Variants in WDR62 observed in about 807,000 individuals in gnomAD.
The protein encoded by WDR62 is WD repeat domain 62.
Under a neutral mutation model 160.6 loss-of-function variants are expected in WDR62, and 112 were observed. That is an observed-to-expected ratio of 0.70 (90% CI 0.60 to 0.82). The LOEUF (loss-of-function observed/expected upper bound fraction) is 0.82, where lower values mean the gene tolerates loss of function less well. WDR62 is among the 40% of genes least tolerant of loss of function. The pLI is 0.00. For missense variants in WDR62, 1,819 were observed against 1,983.8 expected, an observed-to-expected ratio of 0.92 and a Z score of 1.58; for synonymous variants, 792 against 815.1, an observed-to-expected ratio of 0.97 and a Z score of 0.48.
chr19:36,081,643 G>C, intron 10 of WDR62, 73 bp downstream of exon 10: 1 of 1,606,220 alleles, frequency 6.2e-7, no homozygotes, highest in Non-Finnish European at 8.5e-7. Context: ...GCAGGGGCAG[G>C]AGAGAGTCTG....
chr19:36,073,436 G>A lies in WDR62; in HGVS notation c.1138G>A (p.Asp380Asn), dbSNP rs755050401. The stretch of plus-strand genomic sequence containing the variant: ...CCAGTGGCTGTCCTGCGTGTATAAG[G>A]ACCACAGCATCTACATCTGGGATGT... ...IHQWLSCVYKDHSIYIWDVKD... is the reference protein window; with the variant it reads ...IHQWLSCVYKNHSIYIWDVKD... The change falls in exon 9 of 32, where the codon GAC becomes AAC. Residue 380 changes from aspartate to asparagine, a missense_variant. Physicochemically the swap from Asp to Asn is conservative, Grantham distance 23 (BLOSUM62 1). This residue lies in a region of WDR62 where 934 missense variants were observed against 1,157.2 expected (regional missense o/e 0.81). Transcript: ENST00000401500. 1.9e-6 allele frequency: 3 copies of A among 1,614,084 alleles called. No individual in the cohort carries two copies. Among genetic ancestry groups the A allele is most frequent in the East Asian group, 2.2e-5 (1 of 44,872 alleles).
intron 9 of WDR62, among the ~76,000 whole-genome samples, chr19:36,079,214 T>C (rs1169648487): frequency 6.6e-6 from 1 of 152,192 alleles, no homozygotes; most frequent in Non-Finnish European, 1.5e-5. Context: ...CCCGAGTAGC[T>C]GGGACCACAG....
intron 7 of WDR62, among the ~76,000 whole-genome samples, chr19:36,069,057 C>CG (rs1971115130): frequency 1.3e-5 from 2 of 151,316 alleles, no homozygotes; most frequent in Admixed American, 1.3e-4. Context: ...CTGGACGGGG[C>CG]GGCTGGCCGG....
intron 8 of WDR62, among the ~76,000 whole-genome samples, chr19:36,072,222 A>G (rs568080796): frequency 1.4e-4 from 22 of 152,316 alleles, no homozygotes; most frequent in African/African-American, 5.1e-4. Flanking sequence ...AAGGAGAGTG[A>G]CTGGGGTGGG....
Position 36,104,533 on chromosome 19 carries a change from TA to T in WDR62, c.4170del (p.Leu1390PhefsTer25). 6.2e-7 allele frequency: 1 copy of T among 1,613,862 alleles called. No homozygotes were observed. Among genetic ancestry groups the T allele is most frequent in the Non-Finnish European group, 8.5e-7 (1 of 1,179,968 alleles). The part of the protein sequence containing the change: ...LEPTSGALGL[L>X]QGSPARWSEP... ...TCTACCCCAGGTGCACTTGGTCTGT[TA>T]CAGGGCAGCCCTGCCCGCTGGAGTG... On this transcript the variant is annotated frameshift_variant, in exon 31 of 32. Transcript: ENST00000401500. LOFTEE classifies it high-confidence loss of function.
rs1050782853 is a variant in WDR62 at position 36,103,434 on chromosome 19, C to T, written c.3606C>T (p.Thr1202=). 1 of 1,614,016 alleles carries T rather than the reference C, an allele frequency of 6.2e-7. No individual in the cohort carries two copies. Among genetic ancestry groups the T allele is most frequent in the Non-Finnish European group, 8.5e-7 (1 of 1,180,016 alleles). The change falls in exon 30 of 32, where the codon ACC becomes ACT. Residue 1202 remains threonine, a synonymous_variant. Transcript: ENST00000401500. ...TCCCAACGCCCACATCTGCACCCAC[C>T]CCAGGCCTGGCTCAGGGTGTCCATG... is the stretch of plus-strand genomic sequence containing the variant. ...RNLPTPTSAP[T]PGLAQGVHAP... is the part of the protein sequence containing the mutation.
chr19:36,073,252 T>C, intron 8 of WDR62, 90 bp from the exon 9 acceptor site: 1 of 1,258,490 alleles, frequency 7.9e-7, no homozygotes, highest in South Asian at 1.2e-5. Context: ...AGGGATGGCA[T>C]TGCCGGGGAG....
chr19:36,092,201 C>T (rs1035440448), intron 18 of WDR62, among the ~76,000 whole-genome samples: 1 of 151,536 alleles, frequency 6.6e-6, no homozygotes, highest in East Asian at 1.9e-4. Flanking sequence ...GTCCCAGCTA[C>T]TTGGGAGGCT....
At chr19:36,088,602 G>A (rs1049323224) in intron 13 of WDR62, among the ~76,000 whole-genome samples, 26 of 152,220 alleles carry the variant, frequency 1.7e-4, no homozygotes, top group African/African-American at 6.3e-4. Flanking sequence ...GATGGGTGGT[G>A]AGCATTCAGG....
chr19:36,100,079 A>G (rs1245025473), intron 22 of WDR62, among the ~76,000 whole-genome samples: 3 of 152,200 alleles, frequency 2.0e-5, no homozygotes, highest in Non-Finnish European at 4.4e-5. Context: ...CAACGTAGCA[A>G]GATCCCACCT....
At chr19:36,079,034 C>T (rs895813865) in intron 9 of WDR62, among the ~76,000 whole-genome samples, 1 of 151,598 alleles carries the variant, frequency 6.6e-6, no homozygotes, top group African/African-American at 2.4e-5. Context: ...GATTTTCCAA[C>T]TACACAAGAA....
intron 9 of WDR62, among the ~76,000 whole-genome samples, chr19:36,078,086 G>A (rs1441243084): frequency 6.6e-6 from 1 of 151,792 alleles, no homozygotes; most frequent in African/African-American, 2.4e-5. Flanking sequence ...CGGCCACTTG[G>A]GTTTTTTTCT....
intron 19 of WDR62, 23 bp from the exon 20 acceptor site, chr19:36,094,008 A>AC (rs1568359943): frequency 1.9e-6 from 3 of 1,613,270 alleles, no homozygotes; most frequent in Non-Finnish European, 2.5e-6. Context: ...TTCTCTCCTT[A>AC]CCATCCTCAT....
intron 3 of WDR62, chr19:36,062,365 C>T (rs1206461623): frequency 2.0e-5 from 3 of 152,032 alleles, no homozygotes; most frequent in South Asian, 2.1e-4. Flanking sequence ...AAATACTTCA[C>T]GCCAGGCATG....
chr19:36,084,488 G>A (rs1443661288), intron 11 of WDR62, among the ~76,000 whole-genome samples, 165 bp from the exon 12 acceptor site: 4 of 152,138 alleles, frequency 2.6e-5, no homozygotes, highest in Admixed American at 6.6e-5. Flanking sequence ...CTCCCTTTAC[G>A]ATGGCAGGTT....
chr19:36,103,907 CCAG>C lies in WDR62; in HGVS notation c.4080_4082del (p.Ser1361del). The C allele has an allele frequency of 6.3e-7, 1 of 1,599,532 alleles. No individual in the cohort carries two copies. Among genetic ancestry groups the C allele is most frequent in the Middle Eastern group, 1.7e-4 (1 of 6,036 alleles). On this transcript the variant is annotated inframe_deletion, in exon 30 of 32. Transcript: ENST00000401500. ...GAGTCCCCTGGCCTTCCTGCCCACC[CCAG>C]TAACCCCCAGCTTCCAGAGGCCCGG...
Position 36,105,049 on chromosome 19 carries a change from A to G in WDR62, c.*21A>G. 2 of 1,589,296 alleles carry G rather than the reference A, an allele frequency of 1.3e-6. No homozygotes were observed. The highest frequency in any genetic ancestry group is 1.7e-6 in the Non-Finnish European group (2 of 1,174,574). Reference sequence around the variant, plus strand: ...ACTGAGGGCGCAGCCCCTCCACCGCAGCCCTGCTGCTTCTGAGGACTTAGG... The same window carrying G: ...ACTGAGGGCGCAGCCCCTCCACCGCGGCCCTGCTGCTTCTGAGGACTTAGG... On this transcript the variant is annotated 3_prime_UTR_variant, in exon 32 of 32. Coordinates refer to ENST00000401500, the MANE Select transcript of WDR62 (RefSeq NM_001083961.2).
intron 21 of WDR62, among the ~76,000 whole-genome samples, chr19:36,098,585 CAA>C (rs1320040311): frequency 1.3e-5 from 2 of 148,966 alleles, no homozygotes; most frequent in African/African-American, 5.0e-5. Flanking sequence ...AAAAGAAAGA[CAA>C]TGTGGATTAT....
Position 36,086,730 on chromosome 19 carries a change from T to G in WDR62, c.1686T>G (p.His562Gln). The G allele has an allele frequency of 1.2e-6, 2 of 1,605,992 alleles. No individual in the cohort carries two copies. The highest frequency in any genetic ancestry group is 2.7e-5 in the African/African-American group (2 of 74,886). The change falls in exon 13 of 32, where the codon CAT (histidine) becomes CAG (glutamine). Residue 562 changes from histidine to glutamine, a missense_variant. Around this residue, in one of 3 missense-constraint regions of WDR62, gnomAD observed 934 missense variants for 1,157.2 expected, o/e 0.81. Coordinates refer to ENST00000401500, the MANE Select transcript of WDR62 (RefSeq NM_001083961.2). ...CAGCCAGTCGGGACCGGCTGATCCATGTGCTGAACGTGGAGAAGAACTACA... is the reference window on the plus strand; with the variant it reads ...CAGCCAGTCGGGACCGGCTGATCCAGGTGCTGAACGTGGAGAAGAACTACA... ...LASASRDRLI[H>Q]VLNVEKNYNL...
Sources: gnomAD v4.1 joint callset for allele counts (sites outside exome capture counted in the v4.1 genomes callset) on GRCh38, gnomAD v4.1.1 for gene constraint, gnomAD v4.1.1 regional missense constraint, MANE v1.5 for transcripts, NCBI Gene and HGNC (gene_info 2026-07-23, HGNC 2026-07-21) for gene names.